The following ABCA13 variants were observed in gnomAD, a reference collection of about 807,000 sequenced individuals.
ABCA13 encodes the protein ATP binding cassette subfamily A member 13.
Under a neutral mutation model 478.7 loss-of-function variants are expected in ABCA13, and 476 were observed. That is an observed-to-expected ratio of 0.99 (90% CI 0.92 to 1.07). The LOEUF is 1.07. Among genes scored for constraint, ABCA13 ranks in the 50% least tolerant of loss-of-function variants. The pLI is 0.00. For synonymous variants in ABCA13, 2,252 were observed against 2,158.9 expected (o/e 1.04, Z -1.20); for missense variants, 6,060 against 5,910.6 (o/e 1.03, Z -0.83).
chr7:48,177,845 GAT>G (rs986089706), intron 1 of ABCA13, among the ~76,000 whole-genome samples: 4 of 152,214 alleles, frequency 2.6e-5, no homozygotes, highest in African/African-American at 9.6e-5. Flanking sequence ...GAGCCTGTGG[GAT>G]CTTGGGGCTT....
intron 1 of ABCA13, among the ~76,000 whole-genome samples, chr7:48,181,161 C>T (rs931853061): frequency 6.6e-6 from 1 of 152,174 alleles, no homozygotes; most frequent in Non-Finnish European, 1.5e-5. Flanking sequence ...TCTGTGCTTG[C>T]AAACTGACTA....
chr7:48,257,149 C>T (rs1021438282), intron 15 of ABCA13, among the ~76,000 whole-genome samples: 101 of 152,160 alleles, frequency 6.6e-4, no homozygotes, highest in African/African-American at 2.2e-3. Flanking sequence ...TATTCTGAAA[C>T]TTTGCTGAAG....
chr7:48,181,890 G>A (rs1159342072), intron 1 of ABCA13, among the ~76,000 whole-genome samples: 4 of 152,036 alleles, frequency 2.6e-5, no homozygotes, highest in African/African-American at 9.7e-5. Context: ...TATTCCAGTT[G>A]GTATTTTGAT....
chr7:48,494,224 G>A (rs1390545699), intron 48 of ABCA13, among the ~76,000 whole-genome samples: 1 of 152,120 alleles, frequency 6.6e-6, no homozygotes, highest in Non-Finnish European at 1.5e-5. Context: ...TGGGAGCAGT[G>A]GATGACATGC....
rs571390573 is a variant in ABCA13, at chr7:48,622,505, G to A, written c.14837+7128G>A. Reference sequence around the variant, plus strand: ...AAATCTGTAGAGTGTGTCCTAACGCGCAATACTGGACCATCTCTTAGTGAT... The same window carrying A: ...AAATCTGTAGAGTGTGTCCTAACGCACAATACTGGACCATCTCTTAGTGAT... On this transcript the variant is annotated intron_variant, in intron 59 of 61. Coordinates refer to ENST00000435803, the MANE Select transcript of ABCA13 (RefSeq NM_152701.5). Among the ~76,000 whole-genome samples the A allele has an allele frequency of 1.6e-4, 25 of 152,216 alleles. 1 individual carries two copies. Among genetic ancestry groups the A allele is most frequent in the South Asian group, 8.3e-4 (4 of 4,820 alleles).
At chr7:48,551,612 T>C (rs1212941774) in intron 55 of ABCA13, among the ~76,000 whole-genome samples, 1 of 87,196 alleles carries the variant, frequency 1.1e-5, no homozygotes, top group Non-Finnish European at 2.0e-5. Flanking sequence ...TCGTATGTAT[T>C]GCACTCTTTT....
Position 48,309,971 on chromosome 7 carries a change from GCT to G in ABCA13, c.9349_9350del (p.Leu3117ValfsTer5), listed in dbSNP as rs752937591. 1.5e-5 allele frequency: 25 copies of G among 1,613,764 alleles called. No individual in the cohort carries two copies. In the East Asian group the frequency reaches 5.3e-4, roughly 35 times the overall value. ...SKVLFSALTV[A>X]LSGKCDQEIL... ...GGTTCTCTTCAGTGCCCTCACCGTA[GCT>G]CTGTCTGGAAAGTGTGATCAGGAAA... is the stretch of plus-strand genomic sequence containing the variant. On this transcript the variant is annotated frameshift_variant, in exon 24 of 62. Transcript: ENST00000435803. LOFTEE classifies it high-confidence loss of function.
intron 55 of ABCA13, among the ~76,000 whole-genome samples, chr7:48,571,857 T>C (rs1787683085): frequency 6.6e-6 from 1 of 152,190 alleles, no homozygotes; most frequent in Non-Finnish European, 1.5e-5. Flanking sequence ...TTGTTTTTGA[T>C]ATGAAAGGGA....
At chr7:48,413,849 A>AT (rs1322712663) in intron 41 of ABCA13, among the ~76,000 whole-genome samples, 3 of 152,242 alleles carry the variant, frequency 2.0e-5, no homozygotes, top group Non-Finnish European at 4.4e-5. Context: ...GTAACTTATT[A>AT]TTCCTATTTT....
chr7:48,188,917 T>G (rs1172739964), intron 1 of ABCA13, among the ~76,000 whole-genome samples: 1 of 152,128 alleles, frequency 6.6e-6, no homozygotes, highest in Non-Finnish European at 1.5e-5. Flanking sequence ...GATGGGAAGC[T>G]CCGGGGTACA....
At chr7:48,540,947 T>A (rs959063549) in intron 55 of ABCA13, among the ~76,000 whole-genome samples, 1 of 152,132 alleles carries the variant, frequency 6.6e-6, no homozygotes, top group Non-Finnish European at 1.5e-5. Context: ...TTGTCAAGGC[T>A]GCAGCATGAT....
At chr7:48,566,589 G>A (rs1253987932) in intron 55 of ABCA13, among the ~76,000 whole-genome samples, 2 of 152,124 alleles carry the variant, frequency 1.3e-5, no homozygotes, top group Admixed American at 1.3e-4. Flanking sequence ...TAGATAATAA[G>A]CTCTTGCCTT....
At chr7:48,348,755 CA>C (rs1043755659) in intron 29 of ABCA13, among the ~76,000 whole-genome samples, 29 of 152,176 alleles carry the variant, frequency 1.9e-4, no homozygotes, top group Non-Finnish European at 1.3e-4. Context: ...TGATAAATCT[CA>C]GGCTTAGAGA....
intron 8 of ABCA13, 50 bp from the exon 9 acceptor site, chr7:48,239,191 G>T (rs745550291): frequency 1.3e-6 from 2 of 1,592,532 alleles, no homozygotes; most frequent in Non-Finnish European, 1.7e-6. Context: ...GAAGAGGAAG[G>T]TTCTAGGAAA....
intron 45 of ABCA13, among the ~76,000 whole-genome samples, chr7:48,478,931 G>A (rs10240667): frequency 0.35 from 52,632 of 149,730 alleles, 9,354 homozygotes; most frequent in East Asian, 0.46. Context: ...GTGTGTTGAG[G>A]ATACTTAAAA....
intron 38 of ABCA13, among the ~76,000 whole-genome samples, chr7:48,394,508 C>A (rs564882385): frequency 6.6e-6 from 1 of 152,278 alleles, no homozygotes; most frequent in African/African-American, 2.4e-5. Flanking sequence ...CTCCTGAGTC[C>A]CCTCTATTTC....
chr7:48,275,691 A>T lies in ABCA13; in HGVS notation c.6025A>T (p.Ile2009Phe). 2 of 1,599,106 alleles carry T rather than the reference A, an allele frequency of 1.3e-6. No homozygotes were observed. The highest frequency in any genetic ancestry group is 1.7e-6 in the Non-Finnish European group (2 of 1,171,956). ...SSNLERTVQLISEDWSLEKST... is the reference protein window; with the variant it reads ...SSNLERTVQLFSEDWSLEKST... Reference sequence around the variant, plus strand: ...AAATTTGGAAAGGACAGTACAATTGATTTCTGAAGACTGGAGCCTAGAAAA... The same window carrying T: ...AAATTTGGAAAGGACAGTACAATTGTTTTCTGAAGACTGGAGCCTAGAAAA... The change falls in exon 17 of 62, where the codon ATT (isoleucine) becomes TTT (phenylalanine). Residue 2009 changes from isoleucine (I) to phenylalanine (F), a missense_variant. Ile to Phe is a conservative substitution (Grantham distance 21, BLOSUM62 0). Transcript: ENST00000435803.
chr7:48,437,132 T>A (rs1222090967), intron 42 of ABCA13, among the ~76,000 whole-genome samples: 1 of 152,052 alleles, frequency 6.6e-6, no homozygotes, highest in Non-Finnish European at 1.5e-5. Flanking sequence ...GGTTTCCTAC[T>A]ATTACTATAG....
At chr7:48,602,282 T>C (rs930726671) in intron 58 of ABCA13, among the ~76,000 whole-genome samples, 18 of 152,162 alleles carry the variant, frequency 1.2e-4, no homozygotes, top group African/African-American at 4.3e-4. Flanking sequence ...GGTGTTTTAG[T>C]CATGAAGTCT....
Sources: allele counts gnomAD v4.1 joint callset (sites outside exome capture counted in the v4.1 genomes callset), GRCh38; gene constraint gnomAD v4.1.1; transcripts MANE v1.5; gene names NCBI Gene and HGNC (gene_info 2026-07-23, HGNC 2026-07-21).